Variants in NDUFA8 observed in about 807,000 individuals in gnomAD.
The protein encoded by NDUFA8 is NADH:ubiquinone oxidoreductase subunit A8.
NDUFA8 carries 16 observed loss-of-function variants against 20.9 expected under a neutral mutation model. The observed-to-expected ratio is 0.77, with a 90% CI of 0.52 to 1.16. The LOEUF (loss-of-function observed/expected upper bound fraction) is 1.16. NDUFA8 is among the 50% of genes most tolerant of loss of function. NDUFA8 has a pLI of 0.00. For missense variants in NDUFA8, 202 were observed against 216.4 expected, an observed-to-expected ratio of 0.93 and a Z score of 0.42; for synonymous variants, 70 against 76.1, an observed-to-expected ratio of 0.92 and a Z score of 0.41.
In NDUFA8 at chr9:122,159,648, T is replaced by C; in HGVS notation, c.30A>G (p.Leu10=). The C allele has an allele frequency of 6.2e-7, 1 of 1,614,124 alleles. No homozygotes were observed. The highest frequency in any genetic ancestry group is 2.2e-5 in the East Asian group (1 of 44,868). The change falls in exon 1 of 4, where the codon CTA becomes CTG. Residue 10 remains leucine (L), a synonymous_variant. Coordinates refer to ENST00000373768, the MANE Select transcript of NDUFA8 (RefSeq NM_014222.3). MPGIVELPT[L]EELKVDEVKI... is the part of the protein sequence containing the mutation. Reference sequence around the variant, plus strand: ...TCACCTCATCTACTTTCAGCTCCTCTAGAGTGGGCAGCTCCACTATCCCCG... The same window carrying C: ...TCACCTCATCTACTTTCAGCTCCTCCAGAGTGGGCAGCTCCACTATCCCCG...
chr9:122,157,097 C>T (rs1829087083), intron 1 of NDUFA8, among the ~76,000 whole-genome samples: 1 of 152,232 alleles, frequency 6.6e-6, no homozygotes, highest in Non-Finnish European at 1.5e-5. Context: ...ACCCTTCTCA[C>T]CACAACATTT....
At chr9:122,150,042 A>G (rs1657862368) in intron 2 of NDUFA8, among the ~76,000 whole-genome samples, 1 of 152,178 alleles carries the variant, frequency 6.6e-6, no homozygotes, top group Non-Finnish European at 1.5e-5. Context: ...GAAACATCCA[A>G]AAATATTTGC....
intron 2 of NDUFA8, 61 bp from the exon 3 acceptor site, chr9:122,148,338 A>G: frequency 1.3e-6 from 2 of 1,571,318 alleles, no homozygotes; most frequent in African/African-American, 2.7e-5. Context: ...CAGAAAAGTG[A>G]GAAAAAAATA....
intron 2 of NDUFA8, among the ~76,000 whole-genome samples, chr9:122,149,132 A>T (rs1367772272): frequency 6.6e-6 from 1 of 152,194 alleles, no homozygotes; most frequent in South Asian, 2.1e-4. Context: ...TTATTATTTA[A>T]GTGCTTACCT....
chr9:122,152,127 G>A, intron 2 of NDUFA8, 118 bp downstream of exon 2: 1 of 1,150,940 alleles, frequency 8.7e-7, no homozygotes, highest in Non-Finnish European at 1.3e-6. Flanking sequence ...TTTTACCTTG[G>A]TCTGATTTCA....
chr9:122,138,865 T>TGGGG, the NDUFA8 span, among the ~76,000 whole-genome samples: 4,785 of 89,034 alleles, frequency 0.054, 265 homozygotes, highest in Non-Finnish European at 0.075. Flanking sequence ...CAAGAAGAGG[T>TGGGG]GGGGGGGGGG....
downstream of NDUFA8, among the ~76,000 whole-genome samples, chr9:122,139,784 C>T (rs1828795710): frequency 6.6e-6 from 1 of 152,186 alleles, no homozygotes; most frequent in Non-Finnish European, 1.5e-5. Context: ...ACCTCCACCT[C>T]CCAAGTTCAA....
At chr9:122,148,606 G>A (rs902689698) in intron 2 of NDUFA8, among the ~76,000 whole-genome samples, 3 of 152,100 alleles carry the variant, frequency 2.0e-5, no homozygotes, top group African/African-American at 4.8e-5. Context: ...TCCTCTAAGG[G>A]TATCAGCTTA....
intron 1 of NDUFA8, among the ~76,000 whole-genome samples, chr9:122,153,166 T>C (rs1275088521): frequency 2.7e-5 from 4 of 149,732 alleles, no homozygotes; most frequent in Admixed American, 6.7e-5. Context: ...ACTAGGGAGG[T>C]TGAGGCATGA....
intron 1 of NDUFA8, among the ~76,000 whole-genome samples, chr9:122,155,568 A>G (rs1829065940): frequency 6.6e-6 from 1 of 152,248 alleles, no homozygotes; most frequent in African/African-American, 2.4e-5. Context: ...GATGACTCTA[A>G]TAAATTTATG....
At chr9:122,152,580 G>A (rs1006093933) in intron 1 of NDUFA8, among the ~76,000 whole-genome samples, 172 bp from the exon 2 acceptor site, 1 of 146,384 alleles carries the variant, frequency 6.8e-6, no homozygotes, top group African/African-American at 2.6e-5. Context: ...TTTGAGACAG[G>A]GTTTCACTCC....
At chr9:122,148,060 T>G (rs1828931899) in intron 3 of NDUFA8, 52 bp downstream of exon 3, 2 of 1,611,360 alleles carry the variant, frequency 1.2e-6, no homozygotes, top group African/African-American at 2.7e-5. Context: ...ACCTCCTGCC[T>G]TTATCCCACC....
the NDUFA8 span, among the ~76,000 whole-genome samples, chr9:122,137,736 C>T: frequency 6.6e-6 from 1 of 152,170 alleles, no homozygotes; most frequent in African/African-American, 2.4e-5. Flanking sequence ...ACTGTCTCCC[C>T]CAGCAAGCTG....
intron 1 of NDUFA8, among the ~76,000 whole-genome samples, chr9:122,158,702 T>C (rs1158181608): frequency 6.7e-6 from 1 of 150,076 alleles, no homozygotes; most frequent in East Asian, 1.9e-4. Context: ...TGTGTGTATA[T>C]ATATATGGTA....
chr9:122,159,078 G>C (rs12335999), intron 1 of NDUFA8, among the ~76,000 whole-genome samples: 3,351 of 152,206 alleles, frequency 0.022, 131 homozygotes, highest in African/African-American at 0.076. Context: ...GTTAATTACT[G>C]AAATGATATC....
At chr9:122,135,075 C>A in the NDUFA8 span, among the ~76,000 whole-genome samples, 3 of 152,176 alleles carry the variant, frequency 2.0e-5, no homozygotes, top group Admixed American at 2.0e-4. Flanking sequence ...CAACAGGGGG[C>A]CCCCGTGCTG....
the NDUFA8 span, among the ~76,000 whole-genome samples, chr9:122,135,880 T>C: frequency 6.6e-6 from 1 of 152,184 alleles, no homozygotes; most frequent in African/African-American, 2.4e-5. Flanking sequence ...TGAGCCACCA[T>C]GCCCGGCCTA....
intron 1 of NDUFA8, among the ~76,000 whole-genome samples, chr9:122,155,179 A>T (rs1829059932): frequency 6.6e-6 from 1 of 152,204 alleles, no homozygotes; most frequent in Admixed American, 6.5e-5. Flanking sequence ...CCCAGGTTCA[A>T]GTGATTCTCC....
the NDUFA8 span, among the ~76,000 whole-genome samples, chr9:122,137,818 CTT>C: frequency 6.6e-6 from 1 of 152,202 alleles, no homozygotes; most frequent in Non-Finnish European, 1.5e-5. Flanking sequence ...TGGTCCAACT[CTT>C]TATTTTACAG....
Sources: gnomAD v4.1 joint callset for allele counts (sites outside exome capture counted in the v4.1 genomes callset) on GRCh38, gnomAD v4.1.1 for gene constraint, MANE v1.5 for transcripts, NCBI Gene and HGNC (gene_info 2026-07-23, HGNC 2026-07-21) for gene names.